The following CLDN12 variants were observed in gnomAD, a reference collection of about 807,000 sequenced individuals.
The protein encoded by CLDN12 is claudin-12.
CLDN12 carries 9 observed loss-of-function variants against 15.5 expected under a neutral mutation model. That is an observed-to-expected ratio of 0.58 (90% CI 0.35 to 1.02). The LOEUF (loss-of-function observed/expected upper bound fraction) is 1.02, where lower values mean the gene tolerates loss of function less well. CLDN12 is among the 50% of genes least tolerant of loss of function. CLDN12 has a pLI of 0.02. For missense variants in CLDN12, 233 were observed against 297.3 expected (o/e 0.78, Z 1.59); for synonymous variants, 140 against 121.6 (o/e 1.15, Z -1.00).
At chr7:90,408,138 C>A (rs1243759749) in intron 2 of CLDN12, among the ~76,000 whole-genome samples, 1 of 152,174 alleles carries the variant, frequency 6.6e-6, no homozygotes, top group African/African-American at 2.4e-5. Context: ...CAAGTATGAA[C>A]AAATCCTAAT....
rs886436147 is a variant in CLDN12 at position 90,414,684 on chromosome 7, G to A, written c.*1273G>A. The A allele has an allele frequency of 6.0e-6, 1 of 167,086 alleles. No homozygotes were observed. Among genetic ancestry groups the A allele is most frequent in the Admixed American group, 6.5e-5 (1 of 15,278 alleles). 10.4% of individuals were successfully genotyped at this position (167,086 alleles called of 1,614,324 possible). A position where few individuals can be genotyped will look rare whatever the true frequency, so the allele number is the denominator to read the frequency against. ...GGACCTTGAAATTCTGTTTACTTCA[G>A]TCCATTGTATCCTTTAAGGCACCTG... On this transcript the variant is annotated 3_prime_UTR_variant, in exon 4 of 4. Coordinates refer to ENST00000496677, the MANE Select transcript of CLDN12 (RefSeq NM_001185072.3).
chr7:90,403,995 A>T lies in CLDN12; in HGVS notation c.-167+446A>T, dbSNP rs73707500. Among the ~76,000 whole-genome samples the T allele has an allele frequency of 9.0e-3, 1,061 of 117,686 alleles. 10 individuals carry two copies. Among genetic ancestry groups the T allele is most frequent in the African/African-American group, 0.033 (1,023 of 30,782 alleles). 77.2% of individuals were successfully genotyped at this position (117,686 alleles called of 152,430 possible). On this transcript the variant is annotated intron_variant, in intron 1 of 3. Coordinates refer to ENST00000496677, the MANE Select transcript of CLDN12 (RefSeq NM_001185072.3). ...TGCCAGGTCTGGGTCTACCACACAC[A>T]GGGCTCTTCGAAAAGAGGGAGGAGG...
intron 1 of CLDN12, among the ~76,000 whole-genome samples, chr7:90,405,048 A>C (rs1796807867): frequency 1.3e-5 from 2 of 152,036 alleles, no homozygotes; most frequent in South Asian, 4.2e-4. Flanking sequence ...GTGCACCATC[A>C]CACCTGGCTA....
In CLDN12 at chr7:90,412,883, G is replaced by A; in HGVS notation, c.207G>A (p.Met69Ile). The A allele has an allele frequency of 1.9e-6, 3 of 1,614,232 alleles. No individual in the cohort carries two copies. The highest frequency in any genetic ancestry group is 2.5e-6 in the Non-Finnish European group (3 of 1,180,046). Residue 69 changes from methionine (M) to isoleucine (I), a missense_variant, in exon 4 of 4, where the codon ATG (methionine) becomes ATA (isoleucine). Transcript: ENST00000496677. ...ARYDGSSDCL[M>I]YDTTWYSSVD... ...ATGACGGGAGCAGTGACTGCCTGAT[G>A]TACGACACTACTTGGTACTCATCAG...
Position 90,413,857 on chromosome 7 carries a change from A to C in CLDN12, c.*446A>C. 2 of 999,734 alleles carry C rather than the reference A, an allele frequency of 2.0e-6. No individual in the cohort carries two copies. Among genetic ancestry groups the C allele is most frequent in the Non-Finnish European group, 2.4e-6 (2 of 829,448 alleles). 61.9% of individuals were successfully genotyped at this position (999,734 alleles called of 1,614,324 possible). On this transcript the variant is annotated 3_prime_UTR_variant, in exon 4 of 4. Coordinates refer to ENST00000496677, the MANE Select transcript of CLDN12 (RefSeq NM_001185072.3). ...TTATTTCAGGTAAGGGTAATATTTT[A>C]ATAGTAGTCAATAATCTAGCTTAAG...
At position 90,414,648 on chromosome 7, in the gene CLDN12, A is replaced by G. The variant is rs1273357484; in HGVS notation, c.*1237A>G. 2 of 167,434 alleles carry G rather than the reference A, an allele frequency of 1.2e-5. No homozygotes were observed. The highest frequency in any genetic ancestry group is 2.9e-5 in the Non-Finnish European group (2 of 68,430). The allele number at this position is 167,434 out of a possible 1,614,324, so 10.4% of individuals were successfully genotyped here. On this transcript the variant is annotated 3_prime_UTR_variant, in exon 4 of 4. Coordinates refer to ENST00000496677, the MANE Select transcript of CLDN12 (RefSeq NM_001185072.3). ...GCAGACAGACAAATTGTACAACACC[A>G]ACAATATCCTGGACCTTGAAATTCT...
chr7:90,412,851 G>T lies in CLDN12; in HGVS notation c.175G>T (p.Ala59Ser), dbSNP rs1308429047. 3 of 1,614,216 alleles carry T rather than the reference G, an allele frequency of 1.9e-6. No homozygotes were observed. The South Asian group carries it at 3.3e-5, about 18-fold the overall frequency. The change falls in exon 4 of 4, where the codon GCC becomes TCC. Residue 59 changes from alanine (A) to serine (S), a missense_variant. Physicochemically the swap from Ala to Ser is moderately conservative, Grantham distance 99 (BLOSUM62 1). Transcript: ENST00000496677. ...TTACACAGGCCTGTGGGTGAAATGT[G>T]CCCGGTATGACGGGAGCAGTGACTG... ...TVYTGLWVKC[A>S]RYDGSSDCLM...
chr7:90,406,645 C>T (rs1372333639), intron 2 of CLDN12, among the ~76,000 whole-genome samples: 5 of 152,292 alleles, frequency 3.3e-5, no homozygotes, highest in Non-Finnish European at 7.3e-5. Context: ...GGACACTTTA[C>T]AGATGAAAAA....
chr7:90,403,571 C>T (rs1166059539), intron 1 of CLDN12, 22 bp downstream of exon 1: 1 of 152,136 alleles, frequency 6.6e-6, no homozygotes, highest in Non-Finnish European at 1.5e-5. Context: ...CAAGATGTTC[C>T]GATTTCTGGG....
At position 90,407,738 on chromosome 7, in the gene CLDN12, G is replaced by A. The variant is rs996311976; in HGVS notation, c.-77+2130G>A. ...AGGGACAGGGGGAGGTTTAGGACAA[G>A]CCTCCCTGGACACTAGAAGAATGAG... On this transcript the variant is annotated intron_variant, in intron 2 of 3. Coordinates refer to ENST00000496677, the MANE Select transcript of CLDN12 (RefSeq NM_001185072.3). Among the ~76,000 whole-genome samples the A allele has an allele frequency of 7.2e-5, 11 of 152,188 alleles. 1 individual carries two copies. The highest frequency in any genetic ancestry group is 7.2e-4 in the Admixed American group (11 of 15,282).
In CLDN12 at chr7:90,405,166, G is replaced by T. The variant is rs1016922115; in HGVS notation, c.-166-353G>T. Among the ~76,000 whole-genome samples, 3 of 152,236 alleles carry T rather than the reference G, an allele frequency of 2.0e-5. 1 individual carries two copies. Among genetic ancestry groups the T allele is most frequent in the African/African-American group, 7.2e-5 (3 of 41,542 alleles). Reference sequence around the variant, plus strand: ...TAACCTCCACCTCCCAGGTTCAAGCGGTTCTTGTGCCTTAACCTCCCACAT... The same window carrying T: ...TAACCTCCACCTCCCAGGTTCAAGCTGTTCTTGTGCCTTAACCTCCCACAT... On this transcript the variant is annotated intron_variant, in intron 1 of 3. Transcript: ENST00000496677.
chr7:90,408,227 G>C lies in CLDN12; in HGVS notation c.-77+2619G>C, dbSNP rs572713667. On this transcript the variant is annotated intron_variant, in intron 2 of 3. Transcript: ENST00000496677. ...ACTATCCTATAAAATTTTACTTCAG[G>C]CATGGTGGCTTACTTTTGTAATCCC... Among the ~76,000 whole-genome samples the C allele has an allele frequency of 7.9e-5, 12 of 152,258 alleles. No individual in the cohort carries two copies. The East Asian group carries it at 2.3e-3, about 29-fold the overall frequency.
Position 90,414,397 on chromosome 7 carries a change from C to G in CLDN12, c.*986C>G. The stretch of plus-strand genomic sequence containing the variant: ...TTCACCCTTGATTCATTTCTCGCCC[C>G]CGTCACTGATTATTTCCTTGAGCAT... On this transcript the variant is annotated 3_prime_UTR_variant, in exon 4 of 4. Coordinates refer to ENST00000496677, the MANE Select transcript of CLDN12 (RefSeq NM_001185072.3). 2 of 1,000,206 alleles carry G rather than the reference C, an allele frequency of 2.0e-6. No individual in the cohort carries two copies. Among genetic ancestry groups the G allele is most frequent in the Non-Finnish European group, 2.4e-6 (2 of 829,968 alleles). 62.0% of individuals were successfully genotyped at this position (1,000,206 alleles called of 1,614,324 possible). A position where few individuals can be genotyped will look rare whatever the true frequency, so the allele number is the denominator to read the frequency against.
intron 2 of CLDN12, among the ~76,000 whole-genome samples, chr7:90,409,697 T>G (rs1796918111): frequency 6.6e-6 from 1 of 152,232 alleles, no homozygotes; most frequent in African/African-American, 2.4e-5. Flanking sequence ...GCCTGATAAA[T>G]TTTTATGAAC....
In CLDN12 at chr7:90,413,239, C is replaced by G; in HGVS notation, c.563C>G (p.Thr188Ser). The G allele has an allele frequency of 1.2e-6, 2 of 1,614,154 alleles. No individual in the cohort carries two copies. Among genetic ancestry groups the G allele is most frequent in the Non-Finnish European group, 1.7e-6 (2 of 1,180,010 alleles). Residue 188 changes from threonine (T) to serine (S), a missense_variant, in exon 4 of 4, where the codon ACT (threonine) becomes AGT (serine). Physicochemically the swap from Thr to Ser is moderately conservative, Grantham distance 58 (BLOSUM62 1). Transcript: ENST00000496677. ...GCTAGTGCTGGGGGCCTGTTTATGA[C>G]TTCCCTTATACTATTTATTTGGTAT... is the stretch of plus-strand genomic sequence containing the variant. ...TIASAGGLFMTSLILFIWYCT... is the reference protein window; with the variant it reads ...TIASAGGLFMSSLILFIWYCT...
At position 90,413,155 on chromosome 7, in the gene CLDN12, A is replaced by G; in HGVS notation, c.479A>G (p.His160Arg). 1 of 1,614,186 alleles carries G rather than the reference A, an allele frequency of 6.2e-7. No individual in the cohort carries two copies. Among genetic ancestry groups the G allele is most frequent in the Non-Finnish European group, 8.5e-7 (1 of 1,180,034 alleles). ...ATCTGGGTCATCTTTTATAACATCC[A>G]TCTGAACAAGAAGTTTGAGCCAGTC... ...PSIWVIFYNI[H>R]LNKKFEPVFS... The change falls in exon 4 of 4, where the codon CAT (histidine) becomes CGT (arginine). Residue 160 changes from histidine to arginine, a missense_variant. By Grantham distance (29) the His-to-Arg change is conservative. Transcript: ENST00000496677.
intron 2 of CLDN12, among the ~76,000 whole-genome samples, chr7:90,407,801 A>G (rs982066069): frequency 2.0e-5 from 3 of 152,236 alleles, no homozygotes; most frequent in Admixed American, 6.5e-5. Context: ...TGGAATTAAG[A>G]AAGTTCTAGG....
At chr7:90,410,797 G>A (rs1006897544) in intron 2 of CLDN12, among the ~76,000 whole-genome samples, 1 of 152,070 alleles carries the variant, frequency 6.6e-6, no homozygotes, top group Non-Finnish European at 1.5e-5. Flanking sequence ...AGGAGTTCGA[G>A]ACCAGCCTAG....
chr7:90,405,082 A>G (rs1796808609), intron 1 of CLDN12, among the ~76,000 whole-genome samples: 1 of 151,906 alleles, frequency 6.6e-6, no homozygotes, highest in African/African-American at 2.4e-5. Context: ...TTATTTTTTG[A>G]GCCAGAATCT....
Sources: allele counts gnomAD v4.1 joint callset (sites outside exome capture counted in the v4.1 genomes callset), GRCh38; gene constraint gnomAD v4.1.1; transcripts MANE v1.5; gene names NCBI Gene and HGNC (gene_info 2026-07-23, HGNC 2026-07-21).